Variants in GSTA4 observed in about 807,000 individuals in gnomAD.
GSTA4 encodes the protein glutathione S-transferase A4.
In GSTA4, 15 loss-of-function variants were observed where a neutral mutation model predicts 24.4. The ratio of observed to expected loss-of-function variants is 0.61; its 90% CI spans 0.41 to 0.95. GSTA4 has a LOEUF of 0.95. Ranked by LOEUF, GSTA4 falls within the 40% of genes least tolerant of loss-of-function variation. The probability of loss-of-function intolerance (pLI) is 0.00; values close to 1 mark genes in which losing one functional copy is unlikely to be tolerated. For missense variants in GSTA4, 244 were observed against 262.1 expected (o/e 0.93, Z 0.48); for synonymous variants, 92 against 94.2 (o/e 0.98, Z 0.13).
At chr6:52,987,039 GAAGGAGGGAAGGGGC>G (rs1028329896) in intron 3 of GSTA4, among the ~76,000 whole-genome samples, 4 of 151,788 alleles carry the variant, frequency 2.6e-5, no homozygotes, top group African/African-American at 9.7e-5. Flanking sequence ...GGAAAGATGA[GAAGGAGGGAAGGGGC>G]AAGGGAGAGA....
intron 6 of GSTA4, among the ~76,000 whole-genome samples, chr6:52,981,215 G>A (rs45512091): frequency 1.3e-5 from 2 of 152,272 alleles, no homozygotes; most frequent in East Asian, 1.9e-4. Context: ...TGAACTGGTG[G>A]TAATTGCTCT....
intron 3 of GSTA4, among the ~76,000 whole-genome samples, chr6:52,986,915 C>T (rs922797747): frequency 6.6e-6 from 1 of 152,088 alleles, no homozygotes; most frequent in Non-Finnish European, 1.5e-5. Context: ...GGGGGCAGTT[C>T]GTTGATTTCA....
intron 2 of GSTA4, among the ~76,000 whole-genome samples, chr6:52,989,021 A>G (rs990431494): frequency 1.3e-5 from 2 of 152,212 alleles, no homozygotes; most frequent in Non-Finnish European, 2.9e-5. Flanking sequence ...CAGGTCATAA[A>G]GACCTTGCTG....
chr6:52,980,217 T>C (rs1373945760), intron 6 of GSTA4, among the ~76,000 whole-genome samples: 1 of 152,204 alleles, frequency 6.6e-6, no homozygotes, highest in African/African-American at 2.4e-5. Flanking sequence ...ATCTTTTGTG[T>C]CCATTCAATG....
chr6:52,993,719 A>G (rs1763708273), intron 2 of GSTA4, among the ~76,000 whole-genome samples: 1 of 152,190 alleles, frequency 6.6e-6, no homozygotes, highest in Admixed American at 6.5e-5. Context: ...TGGTATTTGA[A>G]AATTTCCATA....
intron 3 of GSTA4, among the ~76,000 whole-genome samples, chr6:52,986,551 C>T (rs1763561408): frequency 6.6e-6 from 1 of 152,184 alleles, no homozygotes; most frequent in African/African-American, 2.4e-5. Flanking sequence ...ATTTAACAAA[C>T]CTGAATCCAA....
Position 52,978,383 on chromosome 6 carries a change from C to A in GSTA4, c.*87G>T. 1 of 1,346,650 alleles carries A rather than the reference C, an allele frequency of 7.4e-7. No individual in the cohort carries two copies. Among genetic ancestry groups the A allele is most frequent in the Non-Finnish European group, 1.0e-6 (1 of 963,226 alleles). 83.4% of individuals were successfully genotyped at this position (1,346,650 alleles called of 1,614,324 possible). Reference sequence around the variant, plus strand: ...ACCCAACTTAATACATAGATAGCACCATGACAGAGCTGGGATCCATTAAGA... The same window carrying A: ...ACCCAACTTAATACATAGATAGCACAATGACAGAGCTGGGATCCATTAAGA... On this transcript the variant is annotated 3_prime_UTR_variant, in exon 7 of 7. Transcript: ENST00000370963.
intron 2 of GSTA4, among the ~76,000 whole-genome samples, chr6:52,988,594 T>C (rs146457084): frequency 4.8e-4 from 73 of 152,214 alleles, no homozygotes; most frequent in African/African-American, 1.5e-3. Flanking sequence ...ACGAACATAA[T>C]GGCCTGGACT....
chr6:52,984,225 G>C (rs930830179), intron 5 of GSTA4, among the ~76,000 whole-genome samples: 1 of 152,246 alleles, frequency 6.6e-6, no homozygotes, highest in Non-Finnish European at 1.5e-5. Context: ...AAGGAACAAA[G>C]GCAGGGAGCC....
chr6:52,982,905 G>A (rs528428316), intron 5 of GSTA4, among the ~76,000 whole-genome samples, 200 bp from the exon 6 acceptor site: 84 of 125,830 alleles, frequency 6.7e-4, no homozygotes, highest in Non-Finnish European at 1.3e-3. Context: ...GAGAGAGAGC[G>A]AGAGAGAGAG....
At chr6:52,988,680 G>A (rs1227918412) in intron 2 of GSTA4, among the ~76,000 whole-genome samples, 2 of 152,106 alleles carry the variant, frequency 1.3e-5, no homozygotes, top group African/African-American at 2.4e-5. Flanking sequence ...CAACCAAATT[G>A]GAAGTAGATT....
chr6:52,979,934 T>C (rs1418752026), intron 6 of GSTA4, among the ~76,000 whole-genome samples: 1 of 152,252 alleles, frequency 6.6e-6, no homozygotes, highest in Non-Finnish European at 1.5e-5. Context: ...TTCATAGTTA[T>C]CAAAGTATAG....
At position 52,978,601 on chromosome 6, in the gene GSTA4, G is replaced by A; in HGVS notation, c.547-9C>T. On this transcript the variant is annotated splice_polypyrimidine_tract_variant and intron_variant, in intron 6 of 6. Coordinates refer to ENST00000370963, the MANE Select transcript of GSTA4 (RefSeq NM_001512.4). ...AGTTTCACTGTGTATTCCTGAAAAAGGAAAACCAAAACTTTAAGGCTAACA... is the reference window on the plus strand; with the variant it reads ...AGTTTCACTGTGTATTCCTGAAAAAAGAAAACCAAAACTTTAAGGCTAACA... The A allele has an allele frequency of 6.3e-7, 1 of 1,593,568 alleles. No individual in the cohort carries two copies. Among genetic ancestry groups the A allele is most frequent in the Admixed American group, 1.8e-5 (1 of 55,772 alleles).
intron 6 of GSTA4, among the ~76,000 whole-genome samples, chr6:52,980,642 T>C (rs190540660): frequency 3.3e-5 from 5 of 152,228 alleles, no homozygotes; most frequent in Admixed American, 3.3e-4. Context: ...TCTACCTACT[T>C]CTGGGTTCAG....
At position 52,984,460 on chromosome 6, in the gene GSTA4, CTA is replaced by C; in HGVS notation, c.414+2_414+3del. 4.3e-6 allele frequency: 7 copies of C among 1,610,876 alleles called. No homozygotes were observed. The highest frequency in any genetic ancestry group is 5.9e-6 in the Non-Finnish European group (7 of 1,179,072). ...CTGTGTATGTAGGCATCTCTGCCACCTACCTTTTCAAACACAGGAAAGTATCT... is the reference window on the plus strand; with the variant it reads ...CTGTGTATGTAGGCATCTCTGCCACCCCTTTTCAAACACAGGAAAGTATCT... On this transcript the variant is annotated splice_donor_variant and splice_donor_region_variant and intron_variant, in intron 5 of 6. Coordinates refer to ENST00000370963, the MANE Select transcript of GSTA4 (RefSeq NM_001512.4). LOFTEE classifies it high-confidence loss of function.
rs1311158605 is a variant in GSTA4, at chr6:52,978,297, A to T, written c.*173T>A. On this transcript the variant is annotated 3_prime_UTR_variant, in exon 7 of 7. Transcript: ENST00000370963. ...AGATCCCCTAACAATTATTTACTGG[A>T]CAAAAAAGGTTGATATTTCTAGAAG... 1.6e-6 allele frequency: 1 copy of T among 644,658 alleles called. No homozygotes were observed. The highest frequency in any genetic ancestry group is 3.0e-5 in the East Asian group (1 of 32,844). The allele number at this position is 644,658 out of a possible 1,614,324, so 39.9% of individuals were successfully genotyped here.
At position 52,985,695 on chromosome 6, in the gene GSTA4, G is replaced by A. The variant is rs1452141285; in HGVS notation, c.140-112C>T. 6 of 1,079,948 alleles carry A rather than the reference G, an allele frequency of 5.6e-6. No homozygotes were observed. In the South Asian group the frequency reaches 5.9e-5, roughly 11 times the overall value. The allele number at this position is 1,079,948 out of a possible 1,614,324, so 66.9% of individuals were successfully genotyped here. Reference sequence around the variant, plus strand: ...GGTGGAATCATGGCCTTAGGAAATAGTGTAAAGCTTCCAGATGACAGATAA... The same window carrying A: ...GGTGGAATCATGGCCTTAGGAAATAATGTAAAGCTTCCAGATGACAGATAA... On this transcript the variant is annotated intron_variant, in intron 3 of 6. Transcript: ENST00000370963.
rs45582039 is a variant in GSTA4, at chr6:52,992,650, C to T, written c.87+1507G>A. On this transcript the variant is annotated intron_variant, in intron 2 of 6. Transcript: ENST00000370963. ...AATCATGAAAAAAACAAGATAAACC[C>T]AATTTGTAGAGGATTCTACAAAAAT... 8.5e-3 allele frequency among the ~76,000 whole-genome samples: 1,297 copies of T among 152,206 alleles called. 23 individuals are homozygous for T. The highest frequency in any genetic ancestry group is 0.029 in the African/African-American group (1,219 of 41,534).
intron 5 of GSTA4, among the ~76,000 whole-genome samples, chr6:52,984,137 T>C (rs911536691): frequency 1.3e-5 from 2 of 152,194 alleles, no homozygotes; most frequent in African/African-American, 4.8e-5. Flanking sequence ...ATGAATGAGG[T>C]AGTTTTTGTT....
Sources: gnomAD v4.1 joint callset for allele counts (sites outside exome capture counted in the v4.1 genomes callset) on GRCh38, gnomAD v4.1.1 for gene constraint, MANE v1.5 for transcripts, NCBI Gene and HGNC (gene_info 2026-07-23, HGNC 2026-07-21) for gene names.